Variants in ZBTB21 observed in about 807,000 individuals in gnomAD.
ZBTB21 encodes the protein zinc finger and BTB domain-containing protein 21.
A neutral mutation model predicts 39.8 loss-of-function variants in ZBTB21; 10 were observed. The observed-to-expected ratio is 0.25, with a 90% CI of 0.16 to 0.43. ZBTB21 has a LOEUF of 0.43. Among genes scored for constraint, ZBTB21 ranks in the 20% least tolerant of loss-of-function variants. ZBTB21 has a pLI of 1.00. For missense variants in ZBTB21, 1,221 were observed against 1,296.3 expected, an observed-to-expected ratio of 0.94 and a Z score of 0.89; for synonymous variants, 551 against 498.8, an observed-to-expected ratio of 1.10 and a Z score of -1.40.
In ZBTB21 at chr21:41,991,619, G is replaced by A; in HGVS notation, c.2477C>T (p.Pro826Leu). 3.1e-6 allele frequency: 5 copies of A among 1,614,126 alleles called. No individual in the cohort carries two copies. The highest frequency in any genetic ancestry group is 2.2e-5 in the South Asian group (2 of 91,076). Residue 826 changes from proline (P) to leucine (L), a missense_variant, in exon 3 of 3, where the codon CCC becomes CTC. This residue lies in a region of ZBTB21 where 523 missense variants were observed against 542.5 expected (regional missense o/e 0.96). Coordinates refer to ENST00000310826, the MANE Select transcript of ZBTB21 (RefSeq NM_001098402.2). This position sits in a 1 kb window ranked among gnomAD's most constrained non-coding sequence, Gnocchi z 4.9. Reference protein sequence around the residue: ...HNGDVTGSSRPQSQPEPNKVN... With the variant: ...HNGDVTGSSRLQSQPEPNKVN... ...TTTGTTGGGCTCAGGCTGGGATTGG[G>A]GCCTTGAAGAACCAGTCACATCACC...
In ZBTB21 at chr21:41,992,201, T is replaced by C. The variant is rs2065670592; in HGVS notation, c.1895A>G (p.Lys632Arg). 2 of 1,614,088 alleles carry C rather than the reference T, an allele frequency of 1.2e-6. No individual in the cohort carries two copies. Among genetic ancestry groups the C allele is most frequent in the Non-Finnish European group, 1.7e-6 (2 of 1,180,038 alleles). ...LIDIVREREI[K>R]KALIIKLRRG... ...CCTTAACTTAATGATCAGGGCCTTC[T>C]TAATTTCTCTCTCTCTCACTATGTC... Residue 632 changes from lysine to arginine, a missense_variant, in exon 3 of 3, where the codon AAG becomes AGG. Around this residue, in one of 4 missense-constraint regions of ZBTB21, gnomAD observed 90 missense variants for 133.1 expected, o/e 0.68. Transcript: ENST00000310826. This position sits in a 1 kb window ranked among gnomAD's most constrained non-coding sequence, Gnocchi z 4.1.
At chr21:42,000,642 T>C (rs927903671) in intron 2 of ZBTB21, among the ~76,000 whole-genome samples, 6 of 152,248 alleles carry the variant, frequency 3.9e-5, no homozygotes, top group African/African-American at 1.2e-4. Context: ...TTATGCATTA[T>C]TCAAAGTATC....
intron 2 of ZBTB21, among the ~76,000 whole-genome samples, chr21:41,998,982 T>C (rs1335365777): frequency 6.6e-6 from 1 of 152,208 alleles, no homozygotes; most frequent in Non-Finnish European, 1.5e-5. Flanking sequence ...TTTCCCTTCC[T>C]TTTTCTTCTC....
At chr21:41,994,171 GAGCAGGGAACATC>G in intron 2 of ZBTB21, 63 bp from the exon 3 acceptor site, 2 of 1,431,568 alleles carry the variant, frequency 1.4e-6, no homozygotes, top group East Asian at 2.3e-5. Flanking sequence ...GGCTCCTCAA[GAGCAGGGAACATC>G]AGCTGTCTTT....
In ZBTB21 at chr21:41,989,874, T is replaced by C. The variant is rs1234147541; in HGVS notation, c.*1021A>G. 4 of 152,192 alleles carry C rather than the reference T, an allele frequency of 2.6e-5. No homozygotes were observed. The highest frequency in any genetic ancestry group is 5.9e-5 in the Non-Finnish European group (4 of 67,998). 9.4% of individuals were successfully genotyped at this position (152,192 alleles called of 1,614,324 possible). A position where few individuals can be genotyped will look rare whatever the true frequency, so the allele number is the denominator to read the frequency against. Reference sequence around the variant, plus strand: ...CTCCTCTGCTCTATCTGGAAGTAAATGGTAATTTAGAATTTTACATCAGCT... The same window carrying C: ...CTCCTCTGCTCTATCTGGAAGTAAACGGTAATTTAGAATTTTACATCAGCT... On this transcript the variant is annotated 3_prime_UTR_variant, in exon 3 of 3. Coordinates refer to ENST00000310826, the MANE Select transcript of ZBTB21 (RefSeq NM_001098402.2).
chr21:41,991,230 AGT>A lies in ZBTB21; in HGVS notation c.2864_2865del (p.His955LeufsTer15). The A allele has an allele frequency of 6.2e-7, 1 of 1,614,212 alleles. No individual in the cohort carries two copies. The highest frequency in any genetic ancestry group is 8.5e-7 in the Non-Finnish European group (1 of 1,180,028). The stretch of plus-strand genomic sequence containing the variant: ...GAAGCCTGAGACATGTGCGATTGGA[AGT>A]GACTCCAGAGTCGAAAATTAGTGCG... ...AFRTNFRLWS[H>X]FQSHMSQASE... On this transcript the variant is annotated frameshift_variant, in exon 3 of 3. Transcript: ENST00000310826. LOFTEE classifies it high-confidence loss of function. This position sits in a 1 kb window ranked among gnomAD's most constrained non-coding sequence, Gnocchi z 4.9.
chr21:41,991,886 T>C lies in ZBTB21; in HGVS notation c.2210A>G (p.Gln737Arg), dbSNP rs2065664233. The C allele has an allele frequency of 1.2e-6, 2 of 1,614,044 alleles. No individual in the cohort carries two copies. Among genetic ancestry groups the C allele is most frequent in the Non-Finnish European group, 8.5e-7 (1 of 1,180,046 alleles). The change falls in exon 3 of 3, where the codon CAA becomes CGA. Residue 737 changes from glutamine to arginine, a missense_variant. By Grantham distance (43) the Gln-to-Arg change is conservative (BLOSUM62 1). This residue lies in a region of ZBTB21 where 523 missense variants were observed against 542.5 expected (regional missense o/e 0.96). Coordinates refer to ENST00000310826, the MANE Select transcript of ZBTB21 (RefSeq NM_001098402.2). This position sits in a 1 kb window ranked among gnomAD's most constrained non-coding sequence, Gnocchi z 4.9. ...CCGGCACAGCCGCTCGTGGCTTCCT[T>C]GCTCTAGGAGAGAAGAGAGCTTAGC... ...CNAKLSSLLE[Q>R]GSHERLCRNA...
chr21:41,998,255 A>G (rs1024422039), intron 2 of ZBTB21, among the ~76,000 whole-genome samples: 3 of 147,888 alleles, frequency 2.0e-5, no homozygotes, highest in Admixed American at 6.8e-5. Flanking sequence ...GCAATGACTC[A>G]GTCTTGGCTC....
rs367715997 is a variant in ZBTB21 at position 41,992,996 on chromosome 21, G to A, written c.1100C>T (p.Ser367Leu). 1.2e-5 allele frequency: 19 copies of A among 1,614,060 alleles called. No individual in the cohort carries two copies. Among genetic ancestry groups the A allele is most frequent in the Middle Eastern group, 1.6e-4 (1 of 6,084 alleles). The change falls in exon 3 of 3, where the codon TCG (serine) becomes TTG (leucine). Residue 367 changes from serine to leucine, a missense_variant. Physicochemically the swap from Ser to Leu is moderately radical, Grantham distance 145. Transcript: ENST00000310826. The surrounding 1 kb of genome is among the most constrained non-coding windows in gnomAD (Gnocchi z 4.1). ...IDLKSSQGSS[S>L]VSSDAPGNVL... ...ATTCCCTGGTGCATCACTGGACACC[G>A]AAGATGATCCCTGGGAAGATTTCAA...
At chr21:42,008,473 G>T (rs1485536135) in intron 1 of ZBTB21, among the ~76,000 whole-genome samples, 2 of 148,380 alleles carry the variant, frequency 1.3e-5, no homozygotes, top group African/African-American at 5.0e-5. Flanking sequence ...CCAGGGAGGC[G>T]GAGGTTGCAG....
At chr21:42,006,221 C>A (rs1050362262) in intron 1 of ZBTB21, among the ~76,000 whole-genome samples, 84 of 152,174 alleles carry the variant, frequency 5.5e-4, no homozygotes, top group African/African-American at 2.0e-3. Flanking sequence ...TCGAGACCAG[C>A]CTGGCCAACA....
At chr21:42,008,540 C>CCAAA (rs1271482407) in intron 1 of ZBTB21, among the ~76,000 whole-genome samples, 1 of 60,372 alleles carries the variant, frequency 1.7e-5, no homozygotes, top group African/African-American at 5.9e-5. Flanking sequence ...GAAACTCTGT[C>CCAAA]AAAAAAAAAA....
Position 41,990,805 on chromosome 21 carries a change from G to C in ZBTB21, c.*90C>G, listed in dbSNP as rs1489301461. 1 of 1,271,964 alleles carries C rather than the reference G, an allele frequency of 7.9e-7. No homozygotes were observed. The highest frequency in any genetic ancestry group is 2.7e-5 in the East Asian group (1 of 37,216). The allele number at this position is 1,271,964 out of a possible 1,614,324, so 78.8% of individuals were successfully genotyped here. Reference sequence around the variant, plus strand: ...ACAATCTCCAACCTTTATTATTCTTGTTTAAAAAATATTTTGTTTCTTATG... The same window carrying C: ...ACAATCTCCAACCTTTATTATTCTTCTTTAAAAAATATTTTGTTTCTTATG... On this transcript the variant is annotated 3_prime_UTR_variant, in exon 3 of 3. Transcript: ENST00000310826.
chr21:41,995,024 C>T (rs909249771), intron 2 of ZBTB21, among the ~76,000 whole-genome samples: 2 of 152,224 alleles, frequency 1.3e-5, no homozygotes, highest in African/African-American at 2.4e-5. Flanking sequence ...TCCCCAACCA[C>T]GTGGAACTGT....
At chr21:42,001,776 T>C (rs955221362) in intron 2 of ZBTB21, among the ~76,000 whole-genome samples, 2 of 152,226 alleles carry the variant, frequency 1.3e-5, no homozygotes, top group Non-Finnish European at 2.9e-5. Context: ...TAACTCAATA[T>C]TGACATCAAC....
intron 2 of ZBTB21, among the ~76,000 whole-genome samples, chr21:42,001,334 G>A (rs2065815047): frequency 6.6e-6 from 1 of 152,236 alleles, no homozygotes; most frequent in Non-Finnish European, 1.5e-5. Flanking sequence ...ATTTGCCTAA[G>A]GTCACCCAGA....
intron 1 of ZBTB21, among the ~76,000 whole-genome samples, chr21:42,004,731 T>C (rs1030206930): frequency 6.6e-6 from 1 of 152,068 alleles, no homozygotes; most frequent in African/African-American, 2.4e-5. Flanking sequence ...CTAACCATGA[T>C]ACTAGAAAAA....
At chr21:41,998,959 GACT>G (rs1158855182) in intron 2 of ZBTB21, among the ~76,000 whole-genome samples, 1 of 152,006 alleles carries the variant, frequency 6.6e-6, no homozygotes, top group African/African-American at 2.4e-5. Flanking sequence ...TTCTATTTGT[GACT>G]ACTTGATAAT....
chr21:42,000,233 A>G (rs1270640700), intron 2 of ZBTB21, among the ~76,000 whole-genome samples: 2 of 152,174 alleles, frequency 1.3e-5, no homozygotes, highest in Non-Finnish European at 2.9e-5. Context: ...AGATTTTTTA[A>G]AGAATTCAGT....
Sources: gnomAD v4.1 joint callset for allele counts (sites outside exome capture counted in the v4.1 genomes callset) on GRCh38, gnomAD v4.1.1 for gene constraint, gnomAD v4.1.1 regional missense constraint, Gnocchi (gnomAD v3.1) non-coding constraint, MANE v1.5 for transcripts, NCBI Gene and HGNC (gene_info 2026-07-23, HGNC 2026-07-21) for gene names.